KDM3A: variants seen among roughly 807,000 people sequenced by gnomAD.
KDM3A encodes the protein lysine-specific demethylase 3A.
KDM3A carries 60 observed loss-of-function variants against 158.0 expected under a neutral mutation model. The observed-to-expected ratio is 0.38, with a 90% CI of 0.31 to 0.47. The LOEUF (loss-of-function observed/expected upper bound fraction) is 0.47. Among genes scored for constraint, KDM3A ranks in the 20% least tolerant of loss-of-function variants. KDM3A has a pLI of 0.99. For synonymous variants in KDM3A, 608 were observed against 549.3 expected, an observed-to-expected ratio of 1.11 and a Z score of -1.49; for missense variants, 1,319 against 1,574.3, an observed-to-expected ratio of 0.84 and a Z score of 2.74.
upstream of KDM3A, chr2:86,441,285 CTG>C (rs1361830838): frequency 2.0e-5 from 3 of 152,150 alleles, no homozygotes; most frequent in African/African-American, 7.3e-5. Flanking sequence ...CGCCCAGCTC[CTG>C]TGTTTCAGCC....
At chr2:86,445,546 C>T (rs2104621235) in intron 2 of KDM3A, among the ~76,000 whole-genome samples, 1 of 152,190 alleles carries the variant, frequency 6.6e-6, no homozygotes, top group African/African-American at 2.4e-5. Context: ...TCTTTGAAGC[C>T]TACCTGTTTC....
chr2:86,437,300 A>G (rs1320941393), upstream of KDM3A, among the ~76,000 whole-genome samples: 1 of 152,064 alleles, frequency 6.6e-6, no homozygotes, highest in Non-Finnish European at 1.5e-5. Context: ...GATGTGCACC[A>G]CAACAGCCAG....
chr2:86,456,523 A>T lies in KDM3A; in HGVS notation c.638A>T (p.Asn213Ile), dbSNP rs149956438. The stretch of plus-strand genomic sequence containing the variant: ...CAGTGGTTTTCAGCAACCGTTATAA[A>T]TGGAAACCCAGCATCAAAAACTCTT... ...STQWFSATVI[N>I]GNPASKTLQV... is the part of the protein sequence containing the mutation. The change falls in exon 6 of 26, where the codon AAT (asparagine) becomes ATT (isoleucine). Residue 213 changes from asparagine to isoleucine, a missense_variant. Physicochemically the swap from Asn to Ile is moderately radical, Grantham distance 149 (BLOSUM62 -3). This residue lies in a region of KDM3A where 652 missense variants were observed against 627.2 expected (regional missense o/e 1.04). Coordinates refer to ENST00000312912, the MANE Select transcript of KDM3A (RefSeq NM_018433.6). The T allele has an allele frequency of 6.2e-7, 1 of 1,609,418 alleles. No individual in the cohort carries two copies. Among genetic ancestry groups the T allele is most frequent in the Non-Finnish European group, 8.5e-7 (1 of 1,177,422 alleles).
Position 86,455,102 on chromosome 2 carries a change from A to G in KDM3A, c.471A>G (p.Arg157=). 2 of 1,593,944 alleles carry G rather than the reference A, an allele frequency of 1.3e-6. No individual in the cohort carries two copies. Among genetic ancestry groups the G allele is most frequent in the South Asian group, 2.3e-5 (2 of 88,472 alleles). The change falls in exon 5 of 26, where the codon CGA becomes CGG. Residue 157 remains arginine (R), a synonymous_variant. Coordinates refer to ENST00000312912, the MANE Select transcript of KDM3A (RefSeq NM_018433.6). ...TTTTTCAGGATGTAAACAGTCTTCG[A>G]CTTTCTCTTACGGATAATCAGATTG... ...LKPIQDVNSL[R]LSLTDNQIVS...
intron 11 of KDM3A, among the ~76,000 whole-genome samples, chr2:86,471,425 C>T (rs1252230187): frequency 6.6e-6 from 1 of 151,536 alleles, no homozygotes; most frequent in Non-Finnish European, 1.5e-5. Flanking sequence ...TCTTTAAATT[C>T]TTCTATCCTG....
In KDM3A at chr2:86,470,306, C is replaced by T. The variant is rs1416977221; in HGVS notation, c.1622C>T (p.Ala541Val). Residue 541 changes from alanine (A) to valine (V), a missense_variant, in exon 11 of 26, where the codon GCA becomes GTA. Ala to Val is a moderately conservative substitution (Grantham distance 64). Coordinates refer to ENST00000312912, the MANE Select transcript of KDM3A (RefSeq NM_018433.6). ...VQDDSCVNIV[A>V]QLPKCRECRL... ...GATGATTCTTGTGTGAACATCGTGGCACAGTTGCCTAAATGCCGAGAGTGT... is the reference window on the plus strand; with the variant it reads ...GATGATTCTTGTGTGAACATCGTGGTACAGTTGCCTAAATGCCGAGAGTGT... The T allele has an allele frequency of 6.2e-7, 1 of 1,614,124 alleles. No homozygotes were observed. The highest frequency in any genetic ancestry group is 1.1e-5 in the South Asian group (1 of 91,080).
chr2:86,466,392 C>T lies in KDM3A; in HGVS notation c.1028C>T (p.Pro343Leu), dbSNP rs1018820043. The change falls in exon 10 of 26, where the codon CCA (proline) becomes CTA (leucine). Residue 343 changes from proline to leucine, a missense_variant. By Grantham distance (98) the Pro-to-Leu change is moderately conservative. Coordinates refer to ENST00000312912, the MANE Select transcript of KDM3A (RefSeq NM_018433.6). ...IPQGCHKQSL[P>L]EEISSCLNTK... ...TTCAGATGTCATAAACAAAGTTTAC[C>T]AGAGGAAATTTCTTCCTGTCTAAAT... The T allele has an allele frequency of 6.2e-7, 1 of 1,610,338 alleles. No homozygotes were observed. The highest frequency in any genetic ancestry group is 8.5e-7 in the Non-Finnish European group (1 of 1,178,202).
Position 86,490,984 on chromosome 2 carries a change from A to G in KDM3A, c.3677A>G (p.Tyr1226Cys). 6.2e-7 allele frequency: 1 copy of G among 1,614,010 alleles called. No homozygotes were observed. Among genetic ancestry groups the G allele is most frequent in the Non-Finnish European group, 8.5e-7 (1 of 1,179,898 alleles). Residue 1226 changes from tyrosine (Y) to cysteine (C), a missense_variant, in exon 24 of 26, where the codon TAT becomes TGT. By Grantham distance (194) the Tyr-to-Cys change is radical. Around this residue, in one of 4 missense-constraint regions of KDM3A, gnomAD observed 186 missense variants for 340.9 expected, o/e 0.55. Coordinates refer to ENST00000312912, the MANE Select transcript of KDM3A (RefSeq NM_018433.6). ...RSLRKRLHQE[Y>C]GVQGWAIVQF... ...TTAAGAAAACGTCTTCATCAAGAGT[A>G]TGGAGTTCAAGGCTGGGCTATTGTA...
intron 10 of KDM3A, among the ~76,000 whole-genome samples, chr2:86,467,876 TCAGC>T (rs1186273254): frequency 1.3e-5 from 2 of 151,866 alleles, no homozygotes; most frequent in Non-Finnish European, 2.9e-5. Context: ...TTTTTAAAAA[TCAGC>T]CAGGCATGGT....
chr2:86,480,146 G>T, intron 15 of KDM3A, 21 bp from the exon 16 acceptor site: 1 of 1,583,028 alleles, frequency 6.3e-7, no homozygotes, highest in Non-Finnish European at 8.7e-7. Context: ...ATGTAAAATC[G>T]TCCTTTAATG....
intron 8 of KDM3A, among the ~76,000 whole-genome samples, chr2:86,462,784 G>A (rs189608188): frequency 5.1e-4 from 77 of 152,164 alleles, no homozygotes; most frequent in African/African-American, 1.6e-3. Flanking sequence ...AAATATATTC[G>A]AAATTGTCAG....
rs533347409 is a variant in KDM3A at position 86,492,252 on chromosome 2, A to C, written c.*133A>C. 1 of 656,438 alleles carries C rather than the reference A, an allele frequency of 1.5e-6. No homozygotes were observed. Among genetic ancestry groups the C allele is most frequent in the Admixed American group, 2.4e-5 (1 of 40,886 alleles). 40.7% of individuals were successfully genotyped at this position (656,438 alleles called of 1,614,324 possible). On this transcript the variant is annotated 3_prime_UTR_variant, in exon 26 of 26. Transcript: ENST00000312912. Reference sequence around the variant, plus strand: ...CCCAACTTGTGAGGGTACTCTGTCTAATGTATATTTCTAGTGTTTACAGAC... The same window carrying C: ...CCCAACTTGTGAGGGTACTCTGTCTCATGTATATTTCTAGTGTTTACAGAC...
chr2:86,479,914 C>T (rs1673840327), intron 15 of KDM3A: 1 of 495,456 alleles, frequency 2.0e-6, no homozygotes, highest in African/African-American at 1.9e-5. Context: ...GGGATATGTA[C>T]CAGCAGGGGC....
chr2:86,441,522 T>C (rs1181579117), intron 1 of KDM3A, 78 bp downstream of exon 1: 2 of 150,906 alleles, frequency 1.3e-5, no homozygotes, highest in Non-Finnish European at 3.0e-5. Context: ...CCGTCGCCCG[T>C]TGGCAGCGGC....
intron 25 of KDM3A, chr2:86,491,602 A>G (rs1204813175): frequency 2.8e-6 from 1 of 358,064 alleles, no homozygotes. Flanking sequence ...CTTAACCTTC[A>G]GTGCTGCAGT....
chr2:86,440,035 T>C (rs1300267514), upstream of KDM3A, among the ~76,000 whole-genome samples: 2 of 152,214 alleles, frequency 1.3e-5, no homozygotes, highest in Non-Finnish European at 2.9e-5. Context: ...ATGTTTGGAC[T>C]TTTCACATGA....
chr2:86,454,240 C>T (rs1228135647), intron 4 of KDM3A, among the ~76,000 whole-genome samples: 1 of 152,204 alleles, frequency 6.6e-6, no homozygotes, highest in Admixed American at 6.5e-5. Flanking sequence ...GGAGCTGAAG[C>T]TTGGTCAGCT....
chr2:86,448,295 A>G (rs1033240958), intron 2 of KDM3A, among the ~76,000 whole-genome samples: 7 of 152,130 alleles, frequency 4.6e-5, no homozygotes, highest in Non-Finnish European at 5.9e-5. Context: ...AAGGTTTGGG[A>G]TTGGGGCTAA....
chr2:86,442,213 G>T lies in KDM3A; in HGVS notation c.166G>T (p.Val56Phe). 1 of 1,611,234 alleles carries T rather than the reference G, an allele frequency of 6.2e-7. No individual in the cohort carries two copies. Among genetic ancestry groups the T allele is most frequent in the Non-Finnish European group, 8.5e-7 (1 of 1,178,436 alleles). ...GTIRAVSHTD[V>F]TKKDLKVCVE... is the part of the protein sequence containing the mutation. ...CATTCGAGCTGTTTCCCACACCGAC[G>T]TTACCAAGAAGGATCTGAAGGTACA... Residue 56 changes from valine to phenylalanine, a missense_variant, in exon 2 of 26, where the codon GTT becomes TTT. Val to Phe is a conservative substitution (Grantham distance 50). Transcript: ENST00000312912.
Sources: gnomAD v4.1 joint callset for allele counts (sites outside exome capture counted in the v4.1 genomes callset) on GRCh38, gnomAD v4.1.1 for gene constraint, gnomAD v4.1.1 regional missense constraint, MANE v1.5 for transcripts, NCBI Gene and HGNC (gene_info 2026-07-23, HGNC 2026-07-21) for gene names.